The following TAFA4 variants were observed in gnomAD, a reference collection of about 807,000 sequenced individuals.
TAFA4 encodes chemokine-like protein TAFA-4.
A neutral mutation model predicts 21.1 loss-of-function variants in TAFA4; 20 were observed. The observed-to-expected ratio is 0.95, with a 90% CI of 0.67 to 1.38. TAFA4 has a LOEUF of 1.38. TAFA4 is among the 40% of genes most tolerant of loss of function. The pLI, the probability that TAFA4 is intolerant of heterozygous loss-of-function variation, is 0.00. For synonymous variants in TAFA4, 71 were observed against 67.4 expected (o/e 1.05, Z -0.26); for missense variants, 211 against 180.9 (o/e 1.17, Z -0.95).
chr3:68,784,926 A>T (rs538996928), intron 3 of TAFA4, among the ~76,000 whole-genome samples: 4 of 152,104 alleles, frequency 2.6e-5, no homozygotes, highest in Non-Finnish European at 4.4e-5. Flanking sequence ...AGCTAGATAC[A>T]GAGTGTCGAT....
chr3:68,777,792 T>C (rs950908553), intron 3 of TAFA4, among the ~76,000 whole-genome samples: 7 of 152,184 alleles, frequency 4.6e-5, no homozygotes, highest in African/African-American at 1.2e-4. Context: ...CTGTATCTTT[T>C]CTATGTTTAG....
At chr3:68,907,426 G>A (rs2089912799) in intron 1 of TAFA4, among the ~76,000 whole-genome samples, 1 of 152,140 alleles carries the variant, frequency 6.6e-6, no homozygotes, top group Admixed American at 6.6e-5. Context: ...AGAATGAGCT[G>A]AACCCGGCAG....
intron 3 of TAFA4, among the ~76,000 whole-genome samples, chr3:68,826,205 C>A (rs1345936318): frequency 6.6e-6 from 1 of 152,196 alleles, no homozygotes; most frequent in Non-Finnish European, 1.5e-5. Flanking sequence ...TGAGAAGCCA[C>A]CTCTGCCACT....
chr3:68,920,984 G>A (rs556043329), intron 1 of TAFA4, among the ~76,000 whole-genome samples: 2 of 152,168 alleles, frequency 1.3e-5, no homozygotes, highest in Non-Finnish European at 2.9e-5. Flanking sequence ...TCTTCTAACT[G>A]TCTGGGGTTG....
chr3:68,816,633 T>C (rs1318649270), intron 3 of TAFA4, among the ~76,000 whole-genome samples: 5 of 152,196 alleles, frequency 3.3e-5, no homozygotes, highest in African/African-American at 1.2e-4. Flanking sequence ...TATAATATCA[T>C]GTGATCTGCC....
intron 1 of TAFA4, chr3:68,913,595 G>A (rs933029924): frequency 6.6e-6 from 1 of 152,226 alleles, no homozygotes. Flanking sequence ...TTTCAAGCTG[G>A]ACCACCTGGG....
chr3:68,777,481 T>C (rs1221004191), intron 3 of TAFA4, among the ~76,000 whole-genome samples: 1 of 152,144 alleles, frequency 6.6e-6, no homozygotes, highest in Non-Finnish European at 1.5e-5. Context: ...CATTTAACTG[T>C]AAATTAATTA....
chr3:68,867,941 G>A (rs578227016), intron 3 of TAFA4, among the ~76,000 whole-genome samples: 1 of 152,104 alleles, frequency 6.6e-6, no homozygotes, highest in South Asian at 2.1e-4. Flanking sequence ...AAGAAAGAGA[G>A]GAGTCACAAA....
At chr3:68,757,032 C>T (rs1489221162) in intron 3 of TAFA4, among the ~76,000 whole-genome samples, 1 of 152,134 alleles carries the variant, frequency 6.6e-6, no homozygotes, top group African/African-American at 2.4e-5. Context: ...GATCCTTTCA[C>T]AGTTACCTCT....
intron 3 of TAFA4, among the ~76,000 whole-genome samples, chr3:68,855,483 G>T (rs940973713): frequency 7.9e-5 from 12 of 152,008 alleles, no homozygotes; most frequent in Admixed American, 2.6e-4. Context: ...CCCATCAAGA[G>T]AATAAGGGTT....
rs549806322 is a variant in TAFA4, at chr3:68,918,299, G to GA, written c.-123+13940dup. ...GGGAGAGGTCGCAAATGACACTGGA[G>GA]AAAAAATCAGCGCACTGTCAACCGT... On this transcript the variant is annotated intron_variant, in intron 1 of 5. Coordinates refer to ENST00000295569, the MANE Select transcript of TAFA4 (RefSeq NM_182522.5). 2.2e-4 allele frequency among the ~76,000 whole-genome samples: 33 copies of GA among 152,160 alleles called. No individual in the cohort carries two copies. In the South Asian group the frequency reaches 4.4e-3, roughly 20 times the overall value.
chr3:68,744,664 A>T (rs1019502507), intron 4 of TAFA4, among the ~76,000 whole-genome samples: 12 of 152,138 alleles, frequency 7.9e-5, no homozygotes, highest in Non-Finnish European at 1.5e-4. Context: ...TGGAGGGGGA[A>T]ATAAAAATGA....
At chr3:68,787,805 G>A (rs187308245) in intron 3 of TAFA4, among the ~76,000 whole-genome samples, 245 of 152,332 alleles carry the variant, frequency 1.6e-3, no homozygotes, top group Middle Eastern at 6.8e-3. Flanking sequence ...AAGAATGATG[G>A]ATTGGAGCTG....
intron 3 of TAFA4, among the ~76,000 whole-genome samples, chr3:68,799,105 TC>T (rs563159489): frequency 3.5e-3 from 530 of 152,232 alleles, no homozygotes; most frequent in African/African-American, 0.012. Context: ...CAGAATAATG[TC>T]CCCCCTCCCT....
In TAFA4 at chr3:68,780,899, T is replaced by TA. The variant is rs61272017; in HGVS notation, c.131-27882dup. Among the ~76,000 whole-genome samples, 1,169 of 146,404 alleles carry TA rather than the reference T, an allele frequency of 8.0e-3. 12 individuals carry two copies. Among genetic ancestry groups the TA allele is most frequent in the African/African-American group, 0.023 (934 of 40,036 alleles). On this transcript the variant is annotated intron_variant, in intron 3 of 5. Coordinates refer to ENST00000295569, the MANE Select transcript of TAFA4 (RefSeq NM_182522.5). The stretch of plus-strand genomic sequence containing the variant: ...TCAAGTCAGATCATATTCTAGGACA[T>TA]AAAAAAAAAAAAACCTTAAAAACCT...
chr3:68,827,310 A>C (rs957096878), intron 3 of TAFA4, among the ~76,000 whole-genome samples: 1 of 152,092 alleles, frequency 6.6e-6, no homozygotes, highest in African/African-American at 2.4e-5. Flanking sequence ...GTTGGTTCCA[A>C]GTCTTTGCTA....
intron 1 of TAFA4, among the ~76,000 whole-genome samples, chr3:68,909,544 G>A (rs185092443): frequency 9.9e-5 from 15 of 152,168 alleles, no homozygotes; most frequent in African/African-American, 2.4e-4. Context: ...TGAATTCCCC[G>A]CCTCCCCAAT....
intron 1 of TAFA4, among the ~76,000 whole-genome samples, chr3:68,907,456 A>C (rs1354011850): frequency 6.6e-6 from 1 of 152,188 alleles, no homozygotes; most frequent in Non-Finnish European, 1.5e-5. Flanking sequence ...AGAGCTACAA[A>C]AGGGCTATTT....
intron 3 of TAFA4, among the ~76,000 whole-genome samples, chr3:68,803,144 T>TAA (rs10637958): frequency 0.46 from 69,907 of 151,900 alleles, 16,402 homozygotes; most frequent in African/African-American, 0.51. Flanking sequence ...CAGCCAGTTA[T>TAA]TATTTTGTAG....
Sources: gnomAD v4.1 joint callset for allele counts (sites outside exome capture counted in the v4.1 genomes callset) on GRCh38, gnomAD v4.1.1 for gene constraint, MANE v1.5 for transcripts, NCBI Gene and HGNC (gene_info 2026-07-23, HGNC 2026-07-21) for gene names.